SORCS1: variants seen among roughly 807,000 people sequenced by gnomAD.
SORCS1 encodes sortilin related VPS10 domain containing receptor 1, also known as VPS10 domain-containing receptor SorCS1.
Under a neutral mutation model 146.1 loss-of-function variants are expected in SORCS1, and 60 were observed. The observed-to-expected ratio is 0.41, with a 90% CI of 0.33 to 0.51. The LOEUF (loss-of-function observed/expected upper bound fraction) is 0.51. Ranked by LOEUF, SORCS1 falls within the 20% of genes least tolerant of loss-of-function variation. The pLI is 0.21. For missense variants in SORCS1, 1,352 were observed against 1,487.6 expected (o/e 0.91, Z 1.50); for synonymous variants, 637 against 584.0 (o/e 1.09, Z -1.31).
chr10:106,841,686 C>T (rs548932342), intron 2 of SORCS1, among the ~76,000 whole-genome samples: 19 of 152,300 alleles, frequency 1.2e-4, no homozygotes, highest in African/African-American at 4.3e-4. Context: ...CATACAGCAT[C>T]TAGCCTGTTC....
chr10:106,741,857 C>G (rs2136111169), intron 5 of SORCS1, among the ~76,000 whole-genome samples: 1 of 152,226 alleles, frequency 6.6e-6, no homozygotes, highest in Middle Eastern at 3.4e-3. Context: ...ACATTCTCTC[C>G]CTTCTCAGAA....
chr10:106,651,283 A>G (rs2135249612), intron 18 of SORCS1, among the ~76,000 whole-genome samples: 1 of 152,348 alleles, frequency 6.6e-6, no homozygotes, highest in Non-Finnish European at 1.5e-5. Context: ...TAATTGCTTC[A>G]TCTTTCCACC....
chr10:106,584,099 T>G (rs981628826), intron 24 of SORCS1, among the ~76,000 whole-genome samples: 1 of 152,194 alleles, frequency 6.6e-6, no homozygotes, highest in Non-Finnish European at 1.5e-5. Context: ...CAATTCAGGC[T>G]TGAGTTATAT....
chr10:106,593,450 G>A (rs1039968409), intron 24 of SORCS1, among the ~76,000 whole-genome samples: 21 of 152,030 alleles, frequency 1.4e-4, no homozygotes, highest in East Asian at 1.9e-4. Context: ...TGTGGACACC[G>A]CCAGCTCTAA....
intron 2 of SORCS1, among the ~76,000 whole-genome samples, chr10:106,920,578 C>T (rs1357443583): frequency 4.6e-5 from 7 of 152,202 alleles, no homozygotes; most frequent in Non-Finnish European, 4.4e-5. Context: ...ACCTGCACTG[C>T]AGAAAGGACG....
At chr10:107,110,618 C>T (rs1965629624) in intron 1 of SORCS1, among the ~76,000 whole-genome samples, 1 of 151,470 alleles carries the variant, frequency 6.6e-6, no homozygotes, top group Admixed American at 6.6e-5. Flanking sequence ...CTCCCACCAA[C>T]TCCCCCCACC....
chr10:106,751,671 A>C (rs1310857187), intron 5 of SORCS1, among the ~76,000 whole-genome samples: 1 of 152,204 alleles, frequency 6.6e-6, no homozygotes, highest in African/African-American at 2.4e-5. Context: ...CCAGTGATTT[A>C]GAATTCTGGC....
chr10:106,854,842 T>C (rs1158193078), intron 2 of SORCS1, among the ~76,000 whole-genome samples: 1 of 152,174 alleles, frequency 6.6e-6, no homozygotes, highest in South Asian at 2.1e-4. Context: ...TGTATATATA[T>C]ACATGAGCAT....
rs1360660301 is a variant in SORCS1 at position 106,688,330 on chromosome 10, C to A, written c.1422G>T (p.Gly474=). ...NIMIDLYEVA[G]IKGMFLANKK... is the part of the protein sequence containing the mutation. ...TGTTAGCCAAGAACATTCCCTTTAT[C>A]CCTGCTACCTGGGAAAAATTGACAT... The change falls in exon 10 of 26, where the codon GGG becomes GGT. Residue 474 remains glycine, a synonymous_variant. Transcript: ENST00000263054. The A allele has an allele frequency of 6.2e-7, 1 of 1,612,594 alleles. No individual in the cohort carries two copies. Among genetic ancestry groups the A allele is most frequent in the East Asian group, 2.2e-5 (1 of 44,812 alleles).
chr10:107,115,482 G>A (rs1001512549), intron 1 of SORCS1, among the ~76,000 whole-genome samples: 2 of 151,996 alleles, frequency 1.3e-5, no homozygotes, highest in Non-Finnish European at 2.9e-5. Flanking sequence ...TTTGATGAGA[G>A]TGCCAAGAAT....
At chr10:106,620,363 T>C in intron 20 of SORCS1, 65 bp downstream of exon 20, 1 of 1,556,530 alleles carries the variant, frequency 6.4e-7, no homozygotes. Flanking sequence ...TTTCATTCCC[T>C]CCTTTGCTTC....
intron 2 of SORCS1, among the ~76,000 whole-genome samples, chr10:106,909,757 T>C (rs1165545586): frequency 6.6e-6 from 1 of 152,224 alleles, no homozygotes. Flanking sequence ...TCACCTCCAG[T>C]GGACCTCCAC....
At chr10:107,163,846 C>G in intron 1 of SORCS1, 123 bp downstream of exon 1, 3 of 1,116,770 alleles carry the variant, frequency 2.7e-6, no homozygotes, top group Non-Finnish European at 3.8e-6. Flanking sequence ...TGGGCAGAGA[C>G]CAGTTTGCAG....
chr10:106,679,161 G>A (rs1852249756), intron 12 of SORCS1, 95 bp downstream of exon 12: 1 of 792,382 alleles, frequency 1.3e-6, no homozygotes, highest in African/African-American at 1.7e-5. Flanking sequence ...GGATTTATGT[G>A]TAGCACCGCT....
At chr10:106,634,973 A>C (rs1182343403) in intron 18 of SORCS1, among the ~76,000 whole-genome samples, 1 of 152,206 alleles carries the variant, frequency 6.6e-6, no homozygotes, top group African/African-American at 2.4e-5. Flanking sequence ...AGAATTGAGA[A>C]GACTAGTTCA....
chr10:106,677,193 C>A lies in SORCS1; in HGVS notation c.1832+120G>T, dbSNP rs780743163. ...GAGTAACAGGACCTGAACCAAACCT[C>A]GGCATTTTGGTAACAGATTTACTAC... On this transcript the variant is annotated intron_variant, in intron 13 of 25. Transcript: ENST00000263054. The A allele has an allele frequency of 7.6e-6, 7 of 920,522 alleles. No individual in the cohort carries two copies. The African/African-American group carries it at 9.8e-5, about 13-fold the overall frequency. The allele number at this position is 920,522 out of a possible 1,614,324, so 57.0% of individuals were successfully genotyped here.
chr10:107,059,724 G>T (rs1750327904), intron 1 of SORCS1, among the ~76,000 whole-genome samples: 2 of 152,126 alleles, frequency 1.3e-5, no homozygotes, highest in African/African-American at 2.4e-5. Flanking sequence ...TGGAGCAACA[G>T]GAGATGAGAC....
chr10:106,738,540 A>C (rs561185639), intron 5 of SORCS1, among the ~76,000 whole-genome samples: 1 of 152,260 alleles, frequency 6.6e-6, no homozygotes, highest in South Asian at 2.1e-4. Flanking sequence ...TTGATGTTAA[A>C]ATCAGTGTGA....
chr10:106,975,131 C>G (rs1470755632), intron 1 of SORCS1, among the ~76,000 whole-genome samples: 1 of 152,186 alleles, frequency 6.6e-6, no homozygotes. Flanking sequence ...TCTCAATTAT[C>G]TAATTTCCAT....
Sources: allele counts gnomAD v4.1 joint callset (sites outside exome capture counted in the v4.1 genomes callset), GRCh38; gene constraint gnomAD v4.1.1; transcripts MANE v1.5; gene names NCBI Gene and HGNC (gene_info 2026-07-23, HGNC 2026-07-21).